Variants in GPR4 observed in about 807,000 individuals in gnomAD.
GPR4 encodes the protein G-prodeshotein coupled receptor 4.
In GPR4, 11 loss-of-function variants were observed where a neutral mutation model predicts 17.8. The observed-to-expected ratio is 0.62, with a 90% CI of 0.39 to 1.02. GPR4 has a LOEUF of 1.02. GPR4 is among the 50% of genes least tolerant of loss of function. The pLI is 0.00. For missense variants in GPR4, 364 were observed against 495.4 expected (o/e 0.73, Z 2.52); for synonymous variants, 219 against 222.8 (o/e 0.98, Z 0.15).
At position 45,591,110 on chromosome 19, in the gene GPR4, C is replaced by T. The variant is rs1260363525; in HGVS notation, c.757G>A (p.Gly253Ser). The T allele has an allele frequency of 6.2e-7, 1 of 1,613,658 alleles. No individual in the cohort carries two copies. The highest frequency in any genetic ancestry group is 1.3e-5 in the African/African-American group (1 of 74,926). The change falls in exon 2 of 2, where the codon GGC (glycine) becomes AGC (serine). Residue 253 changes from glycine to serine, a missense_variant. Gly to Ser is a moderately conservative substitution (Grantham distance 56). This residue lies in a region of GPR4 where 271 missense variants were observed against 373.1 expected (regional missense o/e 0.73). Coordinates refer to ENST00000323040, the MANE Select transcript of GPR4 (RefSeq NM_005282.3). The surrounding 1 kb of genome is among the most constrained non-coding windows in gnomAD (Gnocchi z 7.6). The part of the protein sequence containing the change: ...LLLSRSAIYL[G>S]RPWDCGFEER... ...TCGAAGCCGCAGTCCCAGGGGCGGC[C>T]CAGGTAGATGGCGCTGCGGGACAGC...
At chr19:45,594,735 C>CT (rs1249687859) in intron 1 of GPR4, among the ~76,000 whole-genome samples, 16 of 142,916 alleles carry the variant, frequency 1.1e-4, no homozygotes, top group South Asian at 2.3e-4. Context: ...GTAATCCCAG[C>CT]ACTTTGGGAG....
At position 45,592,603 on chromosome 19, in the gene GPR4, G is replaced by A. The variant is rs1970009762; in HGVS notation, c.-737C>T. On this transcript the variant is annotated 5_prime_UTR_variant, in exon 2 of 2. Transcript: ENST00000323040. Reference sequence around the variant, plus strand: ...ATCAGAGGTAAGTTTGGGGACGGAAGGGAAATTTCAATGGGGGCAGGGGAG... The same window carrying A: ...ATCAGAGGTAAGTTTGGGGACGGAAAGGAAATTTCAATGGGGGCAGGGGAG... 1 of 167,294 alleles carries A rather than the reference G, an allele frequency of 6.0e-6. No homozygotes were observed. The highest frequency in any genetic ancestry group is 2.4e-5 in the African/African-American group (1 of 41,408). The allele number at this position is 167,294 out of a possible 1,614,324, so 10.4% of individuals were successfully genotyped here.
At chr19:45,594,865 C>T (rs1370844284) in intron 1 of GPR4, among the ~76,000 whole-genome samples, 1 of 151,800 alleles carries the variant, frequency 6.6e-6, no homozygotes, top group African/African-American at 2.4e-5. Context: ...TACCTGTAAT[C>T]CCAGCTACTC....
rs1969978733 is a variant in GPR4, at chr19:45,590,559, A to G, written c.*219T>C. On this transcript the variant is annotated 3_prime_UTR_variant, in exon 2 of 2. Coordinates refer to ENST00000323040, the MANE Select transcript of GPR4 (RefSeq NM_005282.3). The stretch of plus-strand genomic sequence containing the variant: ...TGTCTCCAAAAAAATATATTTACTC[A>G]TCTCCTCCTTCAGGAGGCCCTCCAC... 5.8e-6 allele frequency: 3 copies of G among 519,522 alleles called. No homozygotes were observed. In the African/African-American group the frequency reaches 5.8e-5, roughly 10 times the overall value. The allele number at this position is 519,522 out of a possible 1,614,324, so 32.2% of individuals were successfully genotyped here. A position where few individuals can be genotyped will look rare whatever the true frequency, so the allele number is the denominator to read the frequency against.
rs754537867 is a variant in GPR4, at chr19:45,591,283, G to A, written c.584C>T (p.Ala195Val). The change falls in exon 2 of 2, where the codon GCG becomes GTG. Residue 195 changes from alanine (A) to valine (V), a missense_variant. Ala to Val is a moderately conservative substitution (Grantham distance 64). Coordinates refer to ENST00000323040, the MANE Select transcript of GPR4 (RefSeq NM_005282.3). This position sits in a 1 kb window ranked among gnomAD's most constrained non-coding sequence, Gnocchi z 7.6. ...GCCCCGGTACGACAGCAGCATGAGC[G>A]CCCACGGGAAGAGGAAGCCCACGAA... Reference protein sequence around the residue: ...RVFVGFLFPWALMLLSYRGIL... With the variant: ...RVFVGFLFPWVLMLLSYRGIL... The A allele has an allele frequency of 2.5e-6, 4 of 1,612,810 alleles. No homozygotes were observed. Among genetic ancestry groups the A allele is most frequent in the Admixed American group, 3.3e-5 (2 of 59,964 alleles).
At chr19:45,593,070 T>C (rs1393738964) in intron 1 of GPR4, among the ~76,000 whole-genome samples, 1 of 151,662 alleles carries the variant, frequency 6.6e-6, no homozygotes, top group Non-Finnish European at 1.5e-5. Context: ...TGGTGGTACA[T>C]ACCTGTAGTC....
rs562864739 is a variant in GPR4 at position 45,593,310 on chromosome 19, C to G, written c.-831-613G>C. On this transcript the variant is annotated intron_variant, in intron 1 of 1. Coordinates refer to ENST00000323040, the MANE Select transcript of GPR4 (RefSeq NM_005282.3). ...GGTCAGGAGTTCAAGAACAGCCTGGCCAACATGGTGAAACCCCATCTCTAC... is the reference window on the plus strand; with the variant it reads ...GGTCAGGAGTTCAAGAACAGCCTGGGCAACATGGTGAAACCCCATCTCTAC... 1.6e-4 allele frequency among the ~76,000 whole-genome samples: 24 copies of G among 151,300 alleles called. No homozygotes were observed. In the East Asian group the frequency reaches 3.5e-3, roughly 22 times the overall value.
At chr19:45,600,745 C>T (rs753971436) in intron 1 of GPR4, among the ~76,000 whole-genome samples, 1 of 152,122 alleles carries the variant, frequency 6.6e-6, no homozygotes, top group African/African-American at 2.4e-5. Flanking sequence ...TAGGTGGCTC[C>T]GCAAACCCTT....
intron 1 of GPR4, among the ~76,000 whole-genome samples, chr19:45,597,454 C>T (rs886518106): frequency 6.6e-6 from 1 of 152,168 alleles, no homozygotes; most frequent in Non-Finnish European, 1.5e-5. Flanking sequence ...TGCCCCAGGA[C>T]CCTCTCCTCA....
chr19:45,598,280 C>T (rs111582078), intron 1 of GPR4, among the ~76,000 whole-genome samples: 315 of 152,192 alleles, frequency 2.1e-3, no homozygotes, highest in African/African-American at 7.2e-3. Flanking sequence ...TATTATTATT[C>T]CACGGGGACT....
In GPR4 at chr19:45,591,300, G is replaced by A; in HGVS notation, c.567C>T (p.Gly189=). The A allele has an allele frequency of 1.2e-6, 2 of 1,612,884 alleles. No individual in the cohort carries two copies. Among genetic ancestry groups the A allele is most frequent in the East Asian group, 2.2e-5 (1 of 44,862 alleles). Residue 189 remains glycine, a synonymous_variant, in exon 2 of 2, where the codon GGC becomes GGT. Transcript: ENST00000323040. This position sits in a 1 kb window ranked among gnomAD's most constrained non-coding sequence, Gnocchi z 7.6. Reference sequence around the variant, plus strand: ...GCATGAGCGCCCACGGGAAGAGGAAGCCCACGAACACCCGATAGAGGTTCA... The same window carrying A: ...GCATGAGCGCCCACGGGAAGAGGAAACCCACGAACACCCGATAGAGGTTCA... ...AWMNLYRVFV[G]FLFPWALMLL...
At position 45,590,098 on chromosome 19, in the gene GPR4, CA is replaced by C. The variant is rs1436631349; in HGVS notation, c.*679del. The C allele has an allele frequency of 6.6e-6, 1 of 152,182 alleles. No individual in the cohort carries two copies. The highest frequency in any genetic ancestry group is 1.5e-5 in the Non-Finnish European group (1 of 68,016). 9.4% of individuals were successfully genotyped at this position (152,182 alleles called of 1,614,324 possible). ...TCTTATGTTCCCTGGCCTGTATGAC[CA>C]GGGGCTTTGCAAACATAATGACTCT... On this transcript the variant is annotated 3_prime_UTR_variant, in exon 2 of 2. Transcript: ENST00000323040.
rs761324604 is a variant in GPR4 at position 45,591,237 on chromosome 19, G to A, written c.630C>T (p.Gly210=). The change falls in exon 2 of 2, where the codon GGC becomes GGT. Residue 210 remains glycine, a synonymous_variant. Coordinates refer to ENST00000323040, the MANE Select transcript of GPR4 (RefSeq NM_005282.3). This position sits in a 1 kb window ranked among gnomAD's most constrained non-coding sequence, Gnocchi z 7.6. ...SYRGILRAVR[G]SVSTERQEKA... ...TCTCCTGGCGCTCGGTGGACACGCT[G>A]CCCCGCACGGCCCGCAGGATGCCCC... The A allele has an allele frequency of 1.2e-6, 2 of 1,613,258 alleles. No individual in the cohort carries two copies. Among genetic ancestry groups the A allele is most frequent in the East Asian group, 2.2e-5 (1 of 44,868 alleles).
intron 1 of GPR4, among the ~76,000 whole-genome samples, chr19:45,597,001 C>G (rs1224828271): frequency 3.3e-5 from 5 of 152,210 alleles, no homozygotes; most frequent in Admixed American, 2.0e-4. Context: ...TCAGCAGTCT[C>G]AAGGCCAGTG....
rs1376277443 is a variant in GPR4, at chr19:45,592,002, G to A, written c.-136C>T. On this transcript the variant is annotated 5_prime_UTR_variant, in exon 2 of 2. Transcript: ENST00000323040. ...AACATGGTGGGATGTGGTCTACAGG[G>A]AAGAGATGAGGTTGGGTAGGCTGGG... 2 of 934,230 alleles carry A rather than the reference G, an allele frequency of 2.1e-6. No homozygotes were observed. The highest frequency in any genetic ancestry group is 2.9e-5 in the East Asian group (1 of 34,864). 57.9% of individuals were successfully genotyped at this position (934,230 alleles called of 1,614,324 possible).
At chr19:45,598,746 G>T (rs940435247) in intron 1 of GPR4, among the ~76,000 whole-genome samples, 1 of 152,170 alleles carries the variant, frequency 6.6e-6, no homozygotes, top group Non-Finnish European at 1.5e-5. Flanking sequence ...ACCGAGGCCC[G>T]CAGCAGCAAG....
intron 1 of GPR4, among the ~76,000 whole-genome samples, chr19:45,595,275 C>CTAAATAAATAAA (rs72050823): frequency 5.1e-5 from 7 of 138,268 alleles, no homozygotes; most frequent in South Asian, 2.4e-4. Context: ...AACTCCATCT[C>CTAAATAAATAAA]TAAATAAATA....
At chr19:45,597,868 G>A (rs560684061) in intron 1 of GPR4, among the ~76,000 whole-genome samples, 3 of 152,126 alleles carry the variant, frequency 2.0e-5, no homozygotes, top group African/African-American at 7.2e-5. Context: ...GCTGAGTCGT[G>A]CTCAGTAAGT....
chr19:45,599,388 C>A (rs1450977525), intron 1 of GPR4, among the ~76,000 whole-genome samples: 3 of 152,002 alleles, frequency 2.0e-5, no homozygotes, highest in African/African-American at 7.3e-5. Context: ...GCTATCTCAC[C>A]TCCCCCTTTT....
Sources: gnomAD v4.1 joint callset for allele counts (sites outside exome capture counted in the v4.1 genomes callset) on GRCh38, gnomAD v4.1.1 for gene constraint, gnomAD v4.1.1 regional missense constraint, Gnocchi (gnomAD v3.1) non-coding constraint, MANE v1.5 for transcripts, NCBI Gene and HGNC (gene_info 2026-07-23, HGNC 2026-07-21) for gene names.